NELL1: variants seen among roughly 807,000 people sequenced by gnomAD.
NELL1 encodes protein kinase C-binding protein NELL1.
In NELL1, 76 loss-of-function variants were observed where a neutral mutation model predicts 107.4. The ratio of observed to expected loss-of-function variants is 0.71; its 90% confidence interval spans 0.59 to 0.86. The LOEUF is 0.86. NELL1 is among the 40% of genes least tolerant of loss of function. The pLI, the probability that NELL1 is intolerant of heterozygous loss-of-function variation, is 0.00. For missense variants in NELL1, 1,024 were observed against 1,005.5 expected, an observed-to-expected ratio of 1.02 and a Z score of -0.25; for synonymous variants, 353 against 341.2, an observed-to-expected ratio of 1.03 and a Z score of -0.38.
chr11:20,742,220 G>T (rs1855907545), intron 2 of NELL1, among the ~76,000 whole-genome samples: 1 of 152,180 alleles, frequency 6.6e-6, no homozygotes, highest in African/African-American at 2.4e-5. Context: ...TGGGAATGAA[G>T]TGCTGTGGCG....
chr11:21,250,761 TTTTTA>T (rs1858617376), intron 14 of NELL1, among the ~76,000 whole-genome samples: 1 of 152,204 alleles, frequency 6.6e-6, no homozygotes, highest in Non-Finnish European at 1.5e-5. Flanking sequence ...ATCCCAAACC[TTTTTA>T]TATTATGATA....
intron 2 of NELL1, among the ~76,000 whole-genome samples, chr11:20,711,351 T>A (rs1045840264): frequency 1.3e-5 from 2 of 152,206 alleles, no homozygotes; most frequent in East Asian, 3.8e-4. Flanking sequence ...CTGTATTTTT[T>A]AAGTCAAGCA....
intron 12 of NELL1, among the ~76,000 whole-genome samples, chr11:21,092,567 A>G (rs942974188): frequency 2.6e-5 from 4 of 152,126 alleles, no homozygotes; most frequent in East Asian, 1.9e-4. Flanking sequence ...TATGCCCCCT[A>G]GAGAGGAGAA....
intron 16 of NELL1, among the ~76,000 whole-genome samples, chr11:21,537,072 G>A (rs543696139): frequency 1.2e-3 from 181 of 152,252 alleles, no homozygotes; most frequent in Middle Eastern, 3.4e-3. Flanking sequence ...TTGGGTAGTA[G>A]TCTGAATTTC....
At chr11:21,194,996 G>A (rs995673588) in intron 13 of NELL1, among the ~76,000 whole-genome samples, 10 of 152,122 alleles carry the variant, frequency 6.6e-5, no homozygotes, top group Non-Finnish European at 7.3e-5. Flanking sequence ...GAGTGTGAGC[G>A]TCGGGGAGAT....
At chr11:21,283,633 A>G (rs1480210641) in intron 14 of NELL1, 3 of 157,216 alleles carry the variant, frequency 1.9e-5, no homozygotes, top group African/African-American at 4.8e-5. Flanking sequence ...ACAAAGTAGA[A>G]TGTCTGTGAA....
At chr11:21,026,322 C>T (rs376416177) in intron 12 of NELL1, among the ~76,000 whole-genome samples, 1 of 152,134 alleles carries the variant, frequency 6.6e-6, no homozygotes, top group Admixed American at 6.6e-5. Flanking sequence ...CCATGCTGGC[C>T]TCTGTGCTGA....
At chr11:20,738,151 G>GT (rs1486871583) in intron 2 of NELL1, among the ~76,000 whole-genome samples, 3 of 152,090 alleles carry the variant, frequency 2.0e-5, no homozygotes, top group Admixed American at 6.6e-5. Context: ...GAGCTAGAGG[G>GT]TGTGTGCGTG....
At chr11:20,897,177 A>G (rs1002707761) in intron 5 of NELL1, among the ~76,000 whole-genome samples, 17 of 152,228 alleles carry the variant, frequency 1.1e-4, no homozygotes, top group African/African-American at 4.1e-4. Flanking sequence ...ACAAAGCTAC[A>G]GTAACCAAAA....
chr11:20,755,551 T>A (rs1314258246), intron 2 of NELL1, among the ~76,000 whole-genome samples: 2 of 37,610 alleles, frequency 5.3e-5, no homozygotes, highest in Non-Finnish European at 1.0e-4. Context: ...TTTTTTTTTG[T>A]TTTTGTTTTT....
chr11:20,691,875 G>C (rs1486072258), intron 2 of NELL1, among the ~76,000 whole-genome samples: 1 of 152,110 alleles, frequency 6.6e-6, no homozygotes, highest in African/African-American at 2.4e-5. Flanking sequence ...GTTCCTCCTT[G>C]TACCTCTGGT....
chr11:21,379,846 T>C (rs1164782939), intron 15 of NELL1, among the ~76,000 whole-genome samples: 4 of 152,130 alleles, frequency 2.6e-5, no homozygotes, highest in Non-Finnish European at 5.9e-5. Context: ...TGCTCTTTCA[T>C]ATTTTATATC....
At chr11:21,354,380 G>A (rs758778184) in intron 14 of NELL1, among the ~76,000 whole-genome samples, 6 of 151,634 alleles carry the variant, frequency 4.0e-5, no homozygotes, top group South Asian at 2.1e-4. Flanking sequence ...TCTCCTTCCC[G>A]CTTCACTTAG....
intron 3 of NELL1, among the ~76,000 whole-genome samples, chr11:20,826,627 CA>C (rs1857890372): frequency 2.6e-5 from 4 of 151,258 alleles, no homozygotes; most frequent in African/African-American, 9.7e-5. Flanking sequence ...TTTTTTATTG[CA>C]CAATTCTGGA....
rs987079695 is a variant in NELL1, at chr11:20,944,993, A to T, written c.1072-2343A>T. Among the ~76,000 whole-genome samples the T allele has an allele frequency of 6.1e-4, 93 of 152,192 alleles. 1 individual carries two copies. The highest frequency in any genetic ancestry group is 1.5e-4 in the Non-Finnish European group (10 of 68,040). Reference sequence around the variant, plus strand: ...AATATATACTTATACAATTTGGAATATAGAGGGGAAAATGTAAGGAAGAAA... The same window carrying T: ...AATATATACTTATACAATTTGGAATTTAGAGGGGAAAATGTAAGGAAGAAA... On this transcript the variant is annotated intron_variant, in intron 10 of 19. Transcript: ENST00000357134.
chr11:21,391,989 C>T (rs538655455), intron 15 of NELL1, among the ~76,000 whole-genome samples: 2 of 151,710 alleles, frequency 1.3e-5, no homozygotes, highest in Admixed American at 6.6e-5. Flanking sequence ...AGAAATCAAT[C>T]CTATAAATTA....
intron 14 of NELL1, among the ~76,000 whole-genome samples, chr11:21,244,685 C>T (rs1041457169): frequency 1.3e-5 from 2 of 152,138 alleles, no homozygotes; most frequent in Admixed American, 6.6e-5. Context: ...AGAATATTGT[C>T]TTCCCATGTT....
intron 2 of NELL1, among the ~76,000 whole-genome samples, chr11:20,748,302 T>C (rs939307137): frequency 6.6e-6 from 1 of 152,210 alleles, no homozygotes; most frequent in Non-Finnish European, 1.5e-5. Flanking sequence ...GAGGTCCTTT[T>C]GATTCCTTGA....
At chr11:20,972,166 C>A (rs986913096) in intron 12 of NELL1, among the ~76,000 whole-genome samples, 9 of 151,942 alleles carry the variant, frequency 5.9e-5, no homozygotes, top group Non-Finnish European at 1.2e-4. Context: ...CCTGCACGAC[C>A]TGTACATATA....
Sources: gnomAD v4.1 joint callset for allele counts (sites outside exome capture counted in the v4.1 genomes callset) on GRCh38, gnomAD v4.1.1 for gene constraint, MANE v1.5 for transcripts, NCBI Gene and HGNC (gene_info 2026-07-23, HGNC 2026-07-21) for gene names.